Variants in CDH13 observed in about 807,000 individuals in gnomAD.
The protein encoded by CDH13 is cadherin-13.
CDH13 carries 24 observed loss-of-function variants against 63.8 expected under a neutral mutation model. The ratio of observed to expected loss-of-function variants is 0.38; its 90% CI spans 0.27 to 0.53. The LOEUF (loss-of-function observed/expected upper bound fraction) is 0.53. Among genes scored for constraint, CDH13 ranks in the 20% least tolerant of loss-of-function variants. CDH13 has a pLI of 0.85. For missense variants in CDH13, 1,049 were observed against 903.1 expected (o/e 1.16, Z -2.07); for synonymous variants, 503 against 355.3 (o/e 1.42, Z -4.67).
intron 6 of CDH13, among the ~76,000 whole-genome samples, chr16:83,426,031 C>T (rs1443787096): frequency 3.3e-5 from 5 of 152,122 alleles, no homozygotes; most frequent in Non-Finnish European, 5.9e-5. Context: ...TGGAGGTGGT[C>T]CTTTCTCCTA....
chr16:83,763,744 G>A (rs868513738), intron 11 of CDH13, among the ~76,000 whole-genome samples: 3 of 152,164 alleles, frequency 2.0e-5, no homozygotes, highest in South Asian at 2.1e-4. Context: ...CCATCATTCC[G>A]CCTTACTTCA....
At chr16:82,776,246 T>G (rs1597540483) in intron 1 of CDH13, among the ~76,000 whole-genome samples, 4 of 107,418 alleles carry the variant, frequency 3.7e-5, no homozygotes, top group South Asian at 2.9e-4. Context: ...AGGAAGGGAT[T>G]AAGGGAGGGA....
chr16:82,780,599 A>G (rs2035708062), intron 1 of CDH13, among the ~76,000 whole-genome samples: 1 of 152,264 alleles, frequency 6.6e-6, no homozygotes, highest in Non-Finnish European at 1.5e-5. Flanking sequence ...ATCATTTAAA[A>G]TAGAGTAGCA....
intron 7 of CDH13, among the ~76,000 whole-genome samples, chr16:83,505,687 G>A (rs1295590414): frequency 1.3e-5 from 2 of 151,928 alleles, no homozygotes; most frequent in African/African-American, 4.8e-5. Flanking sequence ...GGGATTACAG[G>A]CATGCGCCTC....
chr16:82,675,783 G>A (rs1913830139), intron 1 of CDH13, among the ~76,000 whole-genome samples: 1 of 152,164 alleles, frequency 6.6e-6, no homozygotes, highest in Non-Finnish European at 1.5e-5. Context: ...TGTGACCTCT[G>A]CCTTTAACAC....
At chr16:82,639,445 C>T in intron 1 of CDH13, 7 of 1,534,814 alleles carry the variant, frequency 4.6e-6, no homozygotes, top group Non-Finnish European at 5.2e-6. Context: ...GCGTGACCCA[C>T]CTGCAGCTTC....
Position 82,946,751 on chromosome 16 carries a change from A to G in CDH13, c.158-85259A>G, listed in dbSNP as rs542815834. 3.9e-5 allele frequency among the ~76,000 whole-genome samples: 6 copies of G among 152,222 alleles called. No homozygotes were observed. The East Asian group carries it at 9.7e-4, about 25-fold the overall frequency. Reference sequence around the variant, plus strand: ...AAAGAAAGAAAAAACATACTCATTCAGTAACAAAACAAAATCTCAAGGCAA... The same window carrying G: ...AAAGAAAGAAAAAACATACTCATTCGGTAACAAAACAAAATCTCAAGGCAA... On this transcript the variant is annotated intron_variant, in intron 2 of 13. Coordinates refer to ENST00000567109, the MANE Select transcript of CDH13 (RefSeq NM_001257.5).
intron 2 of CDH13, among the ~76,000 whole-genome samples, chr16:82,881,332 TG>T (rs1366338556): frequency 6.6e-6 from 1 of 152,056 alleles, no homozygotes; most frequent in Non-Finnish European, 1.5e-5. Context: ...GGGAGTATTC[TG>T]GGGGTCATCT....
intron 1 of CDH13, among the ~76,000 whole-genome samples, chr16:82,796,060 A>T (rs1179658724): frequency 1.1e-4 from 16 of 150,278 alleles, no homozygotes. Flanking sequence ...CCCTTGCCCT[A>T]TTGGCACTTA....
At chr16:83,189,702 C>T (rs373676264) in intron 4 of CDH13, among the ~76,000 whole-genome samples, 1 of 152,166 alleles carries the variant, frequency 6.6e-6, no homozygotes, top group Non-Finnish European at 1.5e-5. Flanking sequence ...TCACAAGCTG[C>T]ATCCTTCTAG....
At chr16:82,971,556 A>T (rs1437748718) in intron 2 of CDH13, among the ~76,000 whole-genome samples, 1 of 152,092 alleles carries the variant, frequency 6.6e-6, no homozygotes, top group African/African-American at 2.4e-5. Context: ...CTGGCTACAA[A>T]CTCTGGACAT....
At position 82,947,431 on chromosome 16, in the gene CDH13, G is replaced by C. The variant is rs190936427; in HGVS notation, c.158-84579G>C. Among the ~76,000 whole-genome samples the C allele has an allele frequency of 1.0e-3, 158 of 152,244 alleles. 1 individual carries two copies. Among genetic ancestry groups the C allele is most frequent in the Non-Finnish European group, 1.7e-3 (115 of 68,006 alleles). On this transcript the variant is annotated intron_variant, in intron 2 of 13. Transcript: ENST00000567109. ...TAATACTGGAAAAACGGAAATATTA[G>C]ATCATGAAATCAGATATTATCCATA...
intron 5 of CDH13, among the ~76,000 whole-genome samples, chr16:83,271,454 T>TAAAAA (rs2088810570): frequency 5.8e-5 from 1 of 17,122 alleles, no homozygotes; most frequent in Non-Finnish European, 1.8e-4. Context: ...AAAAAAAAAT[T>TAAAAA]CATGGTTGCT....
At chr16:83,508,119 A>AAAAGGAAGGGAGGGAGGG (rs2074458428) in intron 7 of CDH13, among the ~76,000 whole-genome samples, 1 of 75,494 alleles carries the variant, frequency 1.3e-5, no homozygotes, top group South Asian at 6.9e-4. Context: ...AAAAGGAAGG[A>AAAAGGAAGGGAGGGAGGG]AGGGAGGAAG....
At chr16:83,038,266 A>G (rs1334783425) in intron 3 of CDH13, among the ~76,000 whole-genome samples, 1 of 152,028 alleles carries the variant, frequency 6.6e-6, no homozygotes, top group Non-Finnish European at 1.5e-5. Context: ...GCTACTTATG[A>G]CCCTGTCTCA....
At chr16:83,083,553 A>G (rs1408352477) in intron 3 of CDH13, among the ~76,000 whole-genome samples, 2 of 152,194 alleles carry the variant, frequency 1.3e-5, no homozygotes, top group Non-Finnish European at 1.5e-5. Flanking sequence ...AGAGCCCAAA[A>G]CACATCAGCC....
chr16:83,186,945 T>G (rs2038544104), intron 4 of CDH13, among the ~76,000 whole-genome samples: 2 of 151,880 alleles, frequency 1.3e-5, no homozygotes, highest in African/African-American at 4.9e-5. Context: ...TTGTAACCTA[T>G]TTTATGAATA....
At chr16:82,991,991 A>T (rs1597371626) in intron 2 of CDH13, among the ~76,000 whole-genome samples, 1 of 152,188 alleles carries the variant, frequency 6.6e-6, no homozygotes, top group Admixed American at 6.5e-5. Context: ...TCAGAAAGGG[A>T]TGAGGAAATA....
At chr16:82,840,210 C>T (rs146389951) in intron 1 of CDH13, among the ~76,000 whole-genome samples, 1 of 151,946 alleles carries the variant, frequency 6.6e-6, no homozygotes, top group Non-Finnish European at 1.5e-5. Flanking sequence ...CTTTTAGTGG[C>T]AAGCAGGTTT....
Sources: gnomAD v4.1 joint callset for allele counts (sites outside exome capture counted in the v4.1 genomes callset) on GRCh38, gnomAD v4.1.1 for gene constraint, MANE v1.5 for transcripts, NCBI Gene and HGNC (gene_info 2026-07-23, HGNC 2026-07-21) for gene names.